LHFPL6: variants seen among roughly 807,000 people sequenced by gnomAD.
LHFPL6 encodes LHFPL tetraspan subfamily member 6 protein.
In LHFPL6, 9 loss-of-function variants were observed where a neutral mutation model predicts 20.6. The ratio of observed to expected loss-of-function variants is 0.44; its 90% CI spans 0.26 to 0.76. The LOEUF (loss-of-function observed/expected upper bound fraction) is 0.76. Among genes scored for constraint, LHFPL6 ranks in the 30% least tolerant of loss-of-function variants. LHFPL6 has a pLI of 0.20. For missense variants in LHFPL6, 218 were observed against 253.5 expected (o/e 0.86, Z 0.95); for synonymous variants, 105 against 98.7 (o/e 1.06, Z -0.38).
At chr13:39,552,306 C>T (rs1425287313) in intron 2 of LHFPL6, among the ~76,000 whole-genome samples, 1 of 152,268 alleles carries the variant, frequency 6.6e-6, no homozygotes, top group East Asian at 1.9e-4. Context: ...GAAGAACACA[C>T]ACAACCATAT....
At chr13:39,596,566 C>T (rs1038161696) in intron 2 of LHFPL6, among the ~76,000 whole-genome samples, 2 of 151,898 alleles carry the variant, frequency 1.3e-5, no homozygotes, top group African/African-American at 2.4e-5. Flanking sequence ...GCTAAAAACT[C>T]AAGACAACTC....
intron 2 of LHFPL6, among the ~76,000 whole-genome samples, chr13:39,573,266 G>A (rs186461425): frequency 6.6e-5 from 10 of 152,092 alleles, no homozygotes; most frequent in African/African-American, 2.4e-4. Flanking sequence ...AAAAAAACTA[G>A]GTGAAACAAA....
At chr13:39,346,868 T>C (rs1869413905) in intron 3 of LHFPL6, among the ~76,000 whole-genome samples, 1 of 151,750 alleles carries the variant, frequency 6.6e-6, no homozygotes, top group African/African-American at 2.4e-5. Context: ...CTACTAAAAA[T>C]ACAAAAATTA....
chr13:39,596,028 T>C lies in LHFPL6; in HGVS notation c.385+4804A>G, dbSNP rs530353529. Among the ~76,000 whole-genome samples, 64 of 152,304 alleles carry C rather than the reference T, an allele frequency of 4.2e-4. 2 individuals carry two copies. The South Asian group carries it at 0.013, about 32-fold the overall frequency. On this transcript the variant is annotated intron_variant, in intron 2 of 3. Transcript: ENST00000379589. ...ATCCACTGCATGCAAACTTCAGAAGTTGTATTAAGGTCTTATTTTGAATAC... is the reference window on the plus strand; with the variant it reads ...ATCCACTGCATGCAAACTTCAGAAGCTGTATTAAGGTCTTATTTTGAATAC...
At chr13:39,580,808 G>A (rs747280300) in intron 2 of LHFPL6, among the ~76,000 whole-genome samples, 1 of 152,156 alleles carries the variant, frequency 6.6e-6, no homozygotes, top group Non-Finnish European at 1.5e-5. Flanking sequence ...AGGACCTGAG[G>A]CCAAGAGTCT....
chr13:39,437,380 G>T (rs1220658192), intron 2 of LHFPL6, among the ~76,000 whole-genome samples: 2 of 152,126 alleles, frequency 1.3e-5, no homozygotes, highest in Non-Finnish European at 2.9e-5. Context: ...GTTCTCATGA[G>T]ATCTGGTTGT....
chr13:39,529,515 A>C (rs376752454), intron 2 of LHFPL6, among the ~76,000 whole-genome samples: 3 of 152,334 alleles, frequency 2.0e-5, no homozygotes, highest in African/African-American at 7.2e-5. Context: ...GAAGGCTACT[A>C]ATGGATGAAC....
chr13:39,411,616 GAC>G (rs1308755503), intron 2 of LHFPL6, among the ~76,000 whole-genome samples: 4 of 152,216 alleles, frequency 2.6e-5, no homozygotes, highest in African/African-American at 4.8e-5. Flanking sequence ...CACCTACAGG[GAC>G]AGAGACCTGG....
intron 2 of LHFPL6, among the ~76,000 whole-genome samples, chr13:39,580,299 C>G (rs921088172): frequency 1.3e-5 from 2 of 151,844 alleles, no homozygotes; most frequent in African/African-American, 4.8e-5. Context: ...AAAAACTTGT[C>G]CAGACACTGA....
chr13:39,378,638 A>G (rs970883871), intron 2 of LHFPL6, 112 bp from the exon 3 acceptor site: 2 of 703,252 alleles, frequency 2.8e-6, no homozygotes, highest in Non-Finnish European at 4.8e-6. Flanking sequence ...TGCTTTTTAG[A>G]CAGCACCAGC....
Position 39,479,118 on chromosome 13 carries a change from C to T in LHFPL6, c.386-100592G>A, listed in dbSNP as rs376598383. On this transcript the variant is annotated intron_variant, in intron 2 of 3. Transcript: ENST00000379589. ...GTTGATCTCTACCTATCTATCCATC[C>T]ATCTATCTATCTATCTATCTATCTA... 1.9e-3 allele frequency among the ~76,000 whole-genome samples: 229 copies of T among 121,642 alleles called. 1 individual carries two copies. The highest frequency in any genetic ancestry group is 5.8e-3 in the African/African-American group (209 of 36,312). The allele number at this position is 121,642 out of a possible 152,430, so 79.8% of individuals were successfully genotyped here.
chr13:39,504,067 C>T (rs934145490), intron 2 of LHFPL6, among the ~76,000 whole-genome samples: 1 of 152,120 alleles, frequency 6.6e-6, no homozygotes, highest in Non-Finnish European at 1.5e-5. Context: ...GCTTTTGCAC[C>T]AACCTAAATA....
chr13:39,420,779 C>T (rs1871462063), intron 2 of LHFPL6, among the ~76,000 whole-genome samples: 1 of 152,142 alleles, frequency 6.6e-6, no homozygotes, highest in African/African-American at 2.4e-5. Context: ...TCATGGTATG[C>T]TGTCGCAAAC....
At chr13:39,403,902 A>G (rs1871052371) in intron 2 of LHFPL6, among the ~76,000 whole-genome samples, 1 of 152,080 alleles carries the variant, frequency 6.6e-6, no homozygotes, top group Non-Finnish European at 1.5e-5. Flanking sequence ...CTTGATACCT[A>G]GTTGGATATG....
At chr13:39,512,920 C>T (rs984650653) in intron 2 of LHFPL6, among the ~76,000 whole-genome samples, 2 of 152,326 alleles carry the variant, frequency 1.3e-5, no homozygotes, top group African/African-American at 2.4e-5. Flanking sequence ...TGCCCAGGCA[C>T]GCGCGACACT....
At chr13:39,347,880 T>A (rs1245478846) in intron 3 of LHFPL6, among the ~76,000 whole-genome samples, 1 of 152,212 alleles carries the variant, frequency 6.6e-6, no homozygotes, top group Non-Finnish European at 1.5e-5. Flanking sequence ...TACAATCAAT[T>A]GTTCATTATT....
At chr13:39,464,887 T>G (rs530740410) in intron 2 of LHFPL6, among the ~76,000 whole-genome samples, 1 of 152,274 alleles carries the variant, frequency 6.6e-6, no homozygotes, top group South Asian at 2.1e-4. Flanking sequence ...TATACTGCAA[T>G]GAAATCTCAG....
intron 2 of LHFPL6, among the ~76,000 whole-genome samples, chr13:39,597,994 T>C (rs1231076580): frequency 6.6e-6 from 1 of 152,250 alleles, no homozygotes; most frequent in South Asian, 2.1e-4. Flanking sequence ...CTGTTTCCTG[T>C]TGTTTTTGGA....
At position 39,428,887 on chromosome 13, in the gene LHFPL6, A is replaced by G. The variant is rs577537283; in HGVS notation, c.386-50361T>C. On this transcript the variant is annotated intron_variant, in intron 2 of 3. Coordinates refer to ENST00000379589, the MANE Select transcript of LHFPL6 (RefSeq NM_005780.3). ...TTTCTCTTTATTTTCATTCCATTCAAAATACTTTCTAATTTCCCTTTTGAC... is the reference window on the plus strand; with the variant it reads ...TTTCTCTTTATTTTCATTCCATTCAGAATACTTTCTAATTTCCCTTTTGAC... Among the ~76,000 whole-genome samples the G allele has an allele frequency of 5.5e-4, 84 of 152,252 alleles. 1 individual carries two copies. Among genetic ancestry groups the G allele is most frequent in the African/African-American group, 1.6e-3 (68 of 41,564 alleles).
Sources: allele counts gnomAD v4.1 joint callset (sites outside exome capture counted in the v4.1 genomes callset), GRCh38; gene constraint gnomAD v4.1.1; transcripts MANE v1.5; gene names NCBI Gene and HGNC (gene_info 2026-07-23, HGNC 2026-07-21).